The following NCAM2 variants were observed in gnomAD, a reference collection of about 807,000 sequenced individuals.
NCAM2 encodes the protein N-CAM-2.
In NCAM2, 30 loss-of-function variants were observed where a neutral mutation model predicts 98.1. That is an observed-to-expected ratio of 0.31 (90% confidence interval 0.23 to 0.41). The LOEUF (loss-of-function observed/expected upper bound fraction) is 0.41. Among genes scored for constraint, NCAM2 ranks in the 10% least tolerant of loss-of-function variants. NCAM2 has a pLI of 1.00. For synonymous variants in NCAM2, 368 were observed against 342.4 expected (o/e 1.07, Z -0.83); for missense variants, 867 against 1,005.8 (o/e 0.86, Z 1.87).
chr21:21,426,605 CCA>C (rs1186798646), intron 11 of NCAM2, among the ~76,000 whole-genome samples: 2 of 152,126 alleles, frequency 1.3e-5, no homozygotes, highest in Admixed American at 6.5e-5. Flanking sequence ...AGCCCTCCTG[CCA>C]AGTTACCCCT....
At chr21:21,437,474 CTGTGTGTGTG>C (rs3990174) in intron 12 of NCAM2, among the ~76,000 whole-genome samples, 3 of 144,430 alleles carry the variant, frequency 2.1e-5, no homozygotes, top group Non-Finnish European at 4.5e-5. Flanking sequence ...CACCAAGATT[CTGTGTGTGTG>C]TGTGTGTGTG....
chr21:21,204,817 T>G (rs1413350800), intron 1 of NCAM2, among the ~76,000 whole-genome samples: 1 of 152,198 alleles, frequency 6.6e-6, no homozygotes. Context: ...TAATTGCTTT[T>G]TGGTGTGTTA....
chr21:21,350,752 T>C (rs560957455), intron 8 of NCAM2, among the ~76,000 whole-genome samples: 4 of 152,270 alleles, frequency 2.6e-5, no homozygotes, highest in African/African-American at 9.6e-5. Context: ...CAGATCAATT[T>C]CAGATATACA....
At chr21:21,081,991 A>G (rs9984695) in intron 1 of NCAM2, among the ~76,000 whole-genome samples, 50,758 of 151,196 alleles carry the variant, frequency 0.34, 10,680 homozygotes, top group African/African-American at 0.6. Flanking sequence ...TAATCCCAGC[A>G]CCTTGGGAGG....
At chr21:21,362,111 A>G (rs1381174270) in intron 8 of NCAM2, among the ~76,000 whole-genome samples, 1 of 151,952 alleles carries the variant, frequency 6.6e-6, no homozygotes, top group African/African-American at 2.4e-5. Context: ...GCGTTATTTC[A>G]GTAACTTTTT....
chr21:21,467,357 G>A lies in NCAM2; in HGVS notation c.1774+632G>A, dbSNP rs984722418. ...GAACCACTGTTATAAAAATCTATGC[G>A]TAACACTGCCTGATATATATATCTT... On this transcript the variant is annotated intron_variant, in intron 13 of 17. Transcript: ENST00000400546. Among the ~76,000 whole-genome samples, 10 of 146,916 alleles carry A rather than the reference G, an allele frequency of 6.8e-5. No homozygotes were observed. The East Asian group carries it at 7.9e-4, about 12-fold the overall frequency.
intron 1 of NCAM2, among the ~76,000 whole-genome samples, chr21:21,209,599 A>AT (rs566083228): frequency 3.1e-4 from 47 of 152,264 alleles, no homozygotes; most frequent in Admixed American, 1.3e-3. Flanking sequence ...GCAGCTAGTC[A>AT]TGGAAGTGGG....
intron 12 of NCAM2, among the ~76,000 whole-genome samples, chr21:21,462,521 T>A (rs1335510118): frequency 6.6e-6 from 1 of 151,978 alleles, no homozygotes; most frequent in Non-Finnish European, 1.5e-5. Flanking sequence ...GTAGTTCCCT[T>A]TAATAAAGTC....
intron 1 of NCAM2, among the ~76,000 whole-genome samples, chr21:21,242,397 T>A (rs974746654): frequency 6.6e-6 from 1 of 152,196 alleles, no homozygotes; most frequent in Non-Finnish European, 1.5e-5. Flanking sequence ...GCATTCTTAT[T>A]TATCATAGTC....
At chr21:21,102,812 A>G (rs776707167) in intron 1 of NCAM2, among the ~76,000 whole-genome samples, 3 of 152,116 alleles carry the variant, frequency 2.0e-5, no homozygotes, top group Non-Finnish European at 2.9e-5. Context: ...GAAAGAAAAC[A>G]GAAAGACAGG....
chr21:21,286,010 T>C (rs950835887), intron 3 of NCAM2, among the ~76,000 whole-genome samples: 6 of 151,714 alleles, frequency 4.0e-5, no homozygotes, highest in Non-Finnish European at 8.8e-5. Context: ...AGAGGAGAAA[T>C]TGAGATTGGA....
chr21:21,033,369 A>G (rs1222578444), intron 1 of NCAM2, among the ~76,000 whole-genome samples: 1 of 152,226 alleles, frequency 6.6e-6, no homozygotes, highest in Non-Finnish European at 1.5e-5. Context: ...AGTCTATAAA[A>G]CAAACTGATA....
At chr21:21,223,757 A>G (rs983909234) in intron 1 of NCAM2, 1 of 152,192 alleles carries the variant, frequency 6.6e-6, no homozygotes, top group Non-Finnish European at 1.5e-5. Context: ...ACTGAAAGAG[A>G]AAACAGTTAT....
intron 1 of NCAM2, among the ~76,000 whole-genome samples, chr21:21,043,044 T>C (rs953189598): frequency 6.6e-6 from 1 of 152,218 alleles, no homozygotes. Context: ...TGGAAGGCAT[T>C]CTTTTCAAAA....
intron 1 of NCAM2, among the ~76,000 whole-genome samples, chr21:21,114,986 A>C (rs2066525526): frequency 6.6e-6 from 1 of 151,900 alleles, no homozygotes; most frequent in East Asian, 1.9e-4. Flanking sequence ...ACGCCCAGCT[A>C]AGTTTTGTAT....
At chr21:21,346,640 C>T (rs1222506804) in intron 8 of NCAM2, among the ~76,000 whole-genome samples, 11 of 152,014 alleles carry the variant, frequency 7.2e-5, no homozygotes, top group South Asian at 6.2e-4. Flanking sequence ...TGTTACAAAG[C>T]AAATGTTAAA....
At chr21:21,492,762 G>T (rs181637886) in intron 15 of NCAM2, among the ~76,000 whole-genome samples, 30 of 151,844 alleles carry the variant, frequency 2.0e-4, no homozygotes, top group Non-Finnish European at 4.0e-4. Context: ...CTTCTCTACT[G>T]ATTTCTTATT....
chr21:21,078,569 C>T (rs13050962), intron 1 of NCAM2, among the ~76,000 whole-genome samples: 93,602 of 152,096 alleles, frequency 0.62, 29,854 homozygotes, highest in South Asian at 0.7. Context: ...GAAATGGGAA[C>T]GCTTTTACAC....
intron 1 of NCAM2, among the ~76,000 whole-genome samples, chr21:21,133,940 G>T (rs1186285434): frequency 6.6e-6 from 1 of 152,002 alleles, no homozygotes; most frequent in Non-Finnish European, 1.5e-5. Flanking sequence ...GATGGTTGTG[G>T]ATATTCCAAA....
Sources: allele counts gnomAD v4.1 joint callset (sites outside exome capture counted in the v4.1 genomes callset), GRCh38; gene constraint gnomAD v4.1.1; transcripts MANE v1.5; gene names NCBI Gene and HGNC (gene_info 2026-07-23, HGNC 2026-07-21).